LRIG1: variants seen among roughly 807,000 people sequenced by gnomAD.
LRIG1 encodes leucine rich repeats and immunoglobulin like domains 1.
In LRIG1, 48 loss-of-function variants were observed where a neutral mutation model predicts 99.2. The observed-to-expected ratio is 0.48, with a 90% CI of 0.38 to 0.62. The LOEUF (loss-of-function observed/expected upper bound fraction) is 0.62. LRIG1 is among the 20% of genes least tolerant of loss of function. LRIG1 has a pLI of 0.00. For missense variants in LRIG1, 1,646 were observed against 1,434.4 expected, an observed-to-expected ratio of 1.15 and a Z score of -2.38; for synonymous variants, 772 against 596.1, an observed-to-expected ratio of 1.29 and a Z score of -4.30.
In LRIG1 at chr3:66,388,777, A is replaced by G. The variant is rs191315307; in HGVS notation, c.1469-2476T>C. On this transcript the variant is annotated intron_variant, in intron 12 of 18. Transcript: ENST00000273261. Reference sequence around the variant, plus strand: ...ACCTATCCTTCAAAAATGAAGGGGAAATTAAAACATTCCGATGTTTTTATT... The same window carrying G: ...ACCTATCCTTCAAAAATGAAGGGGAGATTAAAACATTCCGATGTTTTTATT... Among the ~76,000 whole-genome samples the G allele has an allele frequency of 2.3e-3, 353 of 152,332 alleles. 2 individuals carry two copies. The highest frequency in any genetic ancestry group is 8.0e-3 in the African/African-American group (334 of 41,572).
intron 3 of LRIG1, among the ~76,000 whole-genome samples, chr3:66,429,780 CAG>C (rs1491580149): frequency 2.1e-5 from 3 of 142,580 alleles, no homozygotes; most frequent in Admixed American, 7.0e-5. Flanking sequence ...ATAGGGGAAA[CAG>C]GGTGGGTGTG....
intron 1 of LRIG1, among the ~76,000 whole-genome samples, chr3:66,479,679 G>C (rs1700803462): frequency 6.6e-6 from 1 of 152,180 alleles, no homozygotes; most frequent in South Asian, 2.1e-4. Flanking sequence ...TGGTCAATAA[G>C]CATATGAAAA....
intron 3 of LRIG1, among the ~76,000 whole-genome samples, chr3:66,449,609 C>T (rs888275518): frequency 2.6e-5 from 4 of 152,296 alleles, no homozygotes; most frequent in East Asian, 1.9e-4. Context: ...AAACTGGGGG[C>T]CCTGCCTGCC....
rs1029852754 is a variant in LRIG1, at chr3:66,383,523, G to C, written c.2072-122C>G. The C allele has an allele frequency of 2.5e-5, 23 of 917,276 alleles. No homozygotes were observed. The South Asian group carries it at 3.4e-4, about 13-fold the overall frequency. 56.8% of individuals were successfully genotyped at this position (917,276 alleles called of 1,614,324 possible). A position where few individuals can be genotyped will look rare whatever the true frequency, so the allele number is the denominator to read the frequency against. On this transcript the variant is annotated intron_variant, in intron 14 of 18. Transcript: ENST00000273261. ...GAGATGCATCTGAGATTCTGTCTCAGAGTGGCAAGCTTTGGAGAAGACCCT... is the reference window on the plus strand; with the variant it reads ...GAGATGCATCTGAGATTCTGTCTCACAGTGGCAAGCTTTGGAGAAGACCCT...
intron 1 of LRIG1, among the ~76,000 whole-genome samples, chr3:66,463,965 A>T (rs1304677542): frequency 6.6e-6 from 1 of 152,226 alleles, no homozygotes; most frequent in Non-Finnish European, 1.5e-5. Flanking sequence ...TACCATAAAG[A>T]CTGAAGGTGG....
At chr3:66,399,718 T>C (rs766399384) in intron 9 of LRIG1, among the ~76,000 whole-genome samples, 2 of 152,136 alleles carry the variant, frequency 1.3e-5, no homozygotes, top group Non-Finnish European at 2.9e-5. Flanking sequence ...CAGTGAGCCA[T>C]GATTGCGCCA....
rs1402695995 is a variant in LRIG1, at chr3:66,380,674, C to T, written c.2958G>A (p.Gly986=). 3.1e-6 allele frequency: 5 copies of T among 1,614,066 alleles called. No homozygotes were observed. The highest frequency in any genetic ancestry group is 4.2e-6 in the Non-Finnish European group (5 of 1,180,032). The change falls in exon 18 of 19, where the codon GGG becomes GGA. Residue 986 remains glycine, a synonymous_variant. Transcript: ENST00000273261. ...PHHQCSRTAA[G]SCPECQGSLY... The stretch of plus-strand genomic sequence containing the variant: ...GCGACCCTTGGCACTCGGGGCAGGA[C>T]CCAGCGGCAGTCCTGCTGCACTGGT...
chr3:66,445,467 G>T (rs1410678824), intron 3 of LRIG1, among the ~76,000 whole-genome samples: 1 of 152,068 alleles, frequency 6.6e-6, no homozygotes. Flanking sequence ...GGGACCAGCA[G>T]ATAATTCCTC....
chr3:66,384,294 G>A (rs759342006), intron 13 of LRIG1, 22 bp from the exon 14 acceptor site: 22 of 1,600,090 alleles, frequency 1.4e-5, no homozygotes, highest in Non-Finnish European at 1.9e-5. Flanking sequence ...ACGTATACAG[G>A]GTCGGGTTAC....
chr3:66,398,227 C>T (rs1055097156), intron 10 of LRIG1, 44 bp from the exon 11 acceptor site: 3 of 1,495,170 alleles, frequency 2.0e-6, no homozygotes, highest in African/African-American at 2.8e-5. Flanking sequence ...ACCCTAGGTA[C>T]ACCTGAGGGG....
At chr3:66,445,690 A>G (rs1314132834) in intron 3 of LRIG1, among the ~76,000 whole-genome samples, 2 of 152,226 alleles carry the variant, frequency 1.3e-5, no homozygotes, top group Non-Finnish European at 2.9e-5. Flanking sequence ...TCAATTCTTT[A>G]TTATGCCAGT....
chr3:66,410,405 G>C (rs954415616), intron 6 of LRIG1, 133 bp from the exon 7 acceptor site: 2 of 798,136 alleles, frequency 2.5e-6, no homozygotes, highest in Non-Finnish European at 4.0e-6. Flanking sequence ...CAGAACTGTG[G>C]AGTCTAGTCG....
chr3:66,455,509 G>A (rs183469038), intron 2 of LRIG1, among the ~76,000 whole-genome samples: 5 of 152,242 alleles, frequency 3.3e-5, no homozygotes, highest in Non-Finnish European at 1.5e-5. Context: ...TCCACTATTC[G>A]TTTAACTGGT....
In LRIG1 at chr3:66,478,773, T is replaced by C. The variant is rs116064027; in HGVS notation, c.219-16264A>G. On this transcript the variant is annotated intron_variant, in intron 1 of 18. Coordinates refer to ENST00000273261, the MANE Select transcript of LRIG1 (RefSeq NM_015541.3). ...CCAGTATGTCCCCGCAGGCCTTTTCTCAAGCTCACCACCACCCTCCTGTCA... is the reference window on the plus strand; with the variant it reads ...CCAGTATGTCCCCGCAGGCCTTTTCCCAAGCTCACCACCACCCTCCTGTCA... Among the ~76,000 whole-genome samples the C allele has an allele frequency of 4.4e-3, 671 of 152,162 alleles. 2 individuals are homozygous for C. The highest frequency in any genetic ancestry group is 0.015 in the African/African-American group (633 of 41,510).
intron 1 of LRIG1, among the ~76,000 whole-genome samples, chr3:66,472,795 A>G (rs1429554132): frequency 6.6e-6 from 1 of 152,142 alleles, no homozygotes; most frequent in East Asian, 1.9e-4. Context: ...ATCAAAACAA[A>G]AAACCCCTTC....
chr3:66,423,552 C>A (rs1702887096), intron 3 of LRIG1, among the ~76,000 whole-genome samples: 1 of 152,214 alleles, frequency 6.6e-6, no homozygotes, highest in African/African-American at 2.4e-5. Context: ...GCCTGGGCAA[C>A]AAGAGCAAAA....
chr3:66,480,555 A>G (rs1478647678), intron 1 of LRIG1, among the ~76,000 whole-genome samples: 20 of 151,982 alleles, frequency 1.3e-4, no homozygotes, highest in Admixed American at 1.3e-3. Flanking sequence ...CTTCCATACC[A>G]CAGAAATGCA....
intron 9 of LRIG1, among the ~76,000 whole-genome samples, chr3:66,400,553 A>G (rs1702014605): frequency 6.6e-6 from 1 of 152,026 alleles, no homozygotes; most frequent in African/African-American, 2.4e-5. Context: ...TGGGCAGGAG[A>G]GGAAGCCCCT....
At chr3:66,438,955 G>A (rs1703453245) in intron 3 of LRIG1, among the ~76,000 whole-genome samples, 1 of 152,230 alleles carries the variant, frequency 6.6e-6, no homozygotes, top group Non-Finnish European at 1.5e-5. Flanking sequence ...AATCTCTCAG[G>A]GACTACAGCT....
Sources: allele counts gnomAD v4.1 joint callset (sites outside exome capture counted in the v4.1 genomes callset), GRCh38; gene constraint gnomAD v4.1.1; transcripts MANE v1.5; gene names NCBI Gene and HGNC (gene_info 2026-07-23, HGNC 2026-07-21).